KCNMA1: variants seen among roughly 807,000 people sequenced by gnomAD.
KCNMA1 encodes the protein Calcium-activated potassium channel subunit alpha-1.
KCNMA1 carries 29 observed loss-of-function variants against 140.0 expected under a neutral mutation model. That is an observed-to-expected ratio of 0.21 (90% CI 0.15 to 0.28). The LOEUF is 0.28. Ranked by LOEUF, KCNMA1 falls within the 10% of genes least tolerant of loss-of-function variation. The pLI, the probability that KCNMA1 is intolerant of heterozygous loss-of-function variation, is 1.00. For synonymous variants in KCNMA1, 612 were observed against 611.9 expected (o/e 1.00, Z 0.00); for missense variants, 880 against 1,602.2 (o/e 0.55, Z 7.70).
At chr10:77,561,911 C>T (rs576904887) in intron 1 of KCNMA1, among the ~76,000 whole-genome samples, 3 of 152,226 alleles carry the variant, frequency 2.0e-5, no homozygotes, top group South Asian at 2.1e-4. Context: ...AGCTCTTAGT[C>T]GAAACTGAAT....
At chr10:76,904,052 A>T (rs1020325934) in intron 25 of KCNMA1, 16 of 152,184 alleles carry the variant, frequency 1.1e-4, no homozygotes, top group African/African-American at 3.4e-4. Flanking sequence ...ATACCAAAAA[A>T]ATCTGCTTCT....
chr10:77,262,969 T>C (rs1430642807), intron 2 of KCNMA1, among the ~76,000 whole-genome samples: 1 of 152,202 alleles, frequency 6.6e-6, no homozygotes, highest in African/African-American at 2.4e-5. Flanking sequence ...CCCTTACAAA[T>C]GGCTGAAATG....
chr10:76,951,837 C>G (rs571349544), intron 21 of KCNMA1, among the ~76,000 whole-genome samples: 1 of 152,084 alleles, frequency 6.6e-6, no homozygotes, highest in South Asian at 2.1e-4. Context: ...CTCCTCTTCC[C>G]CCAGCCCCAC....
intron 1 of KCNMA1, among the ~76,000 whole-genome samples, chr10:77,543,520 C>T (rs1178246020): frequency 1.3e-5 from 2 of 152,076 alleles, no homozygotes; most frequent in Non-Finnish European, 2.9e-5. Context: ...GATGAAGAAC[C>T]TCTCTAGAAG....
At chr10:77,407,354 C>T (rs2096503523) in intron 1 of KCNMA1, among the ~76,000 whole-genome samples, 1 of 152,170 alleles carries the variant, frequency 6.6e-6, no homozygotes, top group Non-Finnish European at 1.5e-5. Flanking sequence ...TAACTCCATG[C>T]TCCAAAGAAA....
chr10:76,879,913 C>T (rs2033923117), downstream of KCNMA1, among the ~76,000 whole-genome samples: 1 of 152,102 alleles, frequency 6.6e-6, no homozygotes, highest in Non-Finnish European at 1.5e-5. Context: ...CGACTTTTTC[C>T]AGGGGTTTAT....
intron 5 of KCNMA1, among the ~76,000 whole-genome samples, chr10:77,141,507 G>C (rs567950102): frequency 6.6e-6 from 1 of 152,206 alleles, no homozygotes; most frequent in Non-Finnish European, 1.5e-5. Flanking sequence ...CACAGTGAGA[G>C]GGCAGCCGCC....
chr10:77,094,663 C>A (rs2096886665), intron 9 of KCNMA1, among the ~76,000 whole-genome samples: 1 of 152,134 alleles, frequency 6.6e-6, no homozygotes, highest in South Asian at 2.1e-4. Context: ...AGCTAAGGGG[C>A]TGCAAAGTGA....
At chr10:77,229,098 C>T (rs530144040) in intron 3 of KCNMA1, among the ~76,000 whole-genome samples, 17 of 152,208 alleles carry the variant, frequency 1.1e-4, no homozygotes, top group Non-Finnish European at 1.5e-4. Context: ...AGTCCATGTT[C>T]TTGAAGGAAC....
chr10:77,198,568 G>GATATATATATATATATATAT (rs3998087), intron 3 of KCNMA1, among the ~76,000 whole-genome samples: 53 of 138,394 alleles, frequency 3.8e-4, no homozygotes, highest in Middle Eastern at 4.1e-3. Context: ...ATATATATGT[G>GATATATATATATATATATAT]ATATATATAT....
intron 2 of KCNMA1, among the ~76,000 whole-genome samples, chr10:77,278,950 C>A (rs999377075): frequency 6.6e-6 from 1 of 152,148 alleles, no homozygotes; most frequent in Non-Finnish European, 1.5e-5. Flanking sequence ...GAAAATACAC[C>A]TGAAGATCCC....
intron 3 of KCNMA1, among the ~76,000 whole-genome samples, chr10:77,223,060 T>G (rs1381101766): frequency 6.6e-6 from 1 of 151,936 alleles, no homozygotes; most frequent in East Asian, 1.9e-4. Context: ...AAACCCCGTC[T>G]CTACTAAAAA....
chr10:76,870,899 A>G (rs146798245), exon 28 of KCNMA1: 1 of 152,336 alleles, frequency 6.6e-6, no homozygotes, highest in Non-Finnish European at 1.5e-5. Context: ...ACCATCTCCA[A>G]CACCTTTCAT....
chr10:77,288,276 A>G (rs1274560915), intron 2 of KCNMA1, among the ~76,000 whole-genome samples: 2 of 152,228 alleles, frequency 1.3e-5, no homozygotes, highest in Non-Finnish European at 2.9e-5. Context: ...GTTTATTCAG[A>G]TCACCAGCTT....
intron 1 of KCNMA1, among the ~76,000 whole-genome samples, chr10:77,622,026 A>G (rs182270571): frequency 4.6e-5 from 7 of 152,320 alleles, no homozygotes; most frequent in Non-Finnish European, 8.8e-5. Flanking sequence ...ATACATTTAT[A>G]TGTCATCTGA....
intron 2 of KCNMA1, among the ~76,000 whole-genome samples, chr10:77,287,689 C>A (rs1349462826): frequency 1.3e-5 from 2 of 152,160 alleles, no homozygotes; most frequent in Non-Finnish European, 2.9e-5. Flanking sequence ...GGTTTCCTGG[C>A]ATGGGATGGG....
chr10:77,246,826 G>A (rs895151605), intron 3 of KCNMA1, among the ~76,000 whole-genome samples: 15 of 152,272 alleles, frequency 9.9e-5, no homozygotes, highest in Middle Eastern at 3.4e-3. Context: ...CTTGGCAATT[G>A]TGCCCTTGGA....
At chr10:77,309,446 C>G (rs778698848) in intron 2 of KCNMA1, 2 of 152,224 alleles carry the variant, frequency 1.3e-5, no homozygotes, top group South Asian at 2.1e-4. Context: ...AAAACCGCCA[C>G]GTTGTGACAC....
At chr10:76,940,749 C>T (rs10430527) in intron 23 of KCNMA1, among the ~76,000 whole-genome samples, 77,177 of 151,394 alleles carry the variant, frequency 0.51, 20,133 homozygotes, top group East Asian at 0.72. Flanking sequence ...TCACCTGAGG[C>T]CAGGAGTTTG....
Sources: gnomAD v4.1 joint callset for allele counts (sites outside exome capture counted in the v4.1 genomes callset) on GRCh38, gnomAD v4.1.1 for gene constraint, MANE v1.5 for transcripts, NCBI Gene and HGNC (gene_info 2026-07-23, HGNC 2026-07-21) for gene names.